The following FTO variants were observed in gnomAD, a reference collection of about 807,000 sequenced individuals.
FTO encodes the protein alpha-ketoglutarate-dependent dioxygenase FTO.
FTO carries 47 observed loss-of-function variants against 63.9 expected under a neutral mutation model. The ratio of observed to expected loss-of-function variants is 0.74; its 90% CI spans 0.58 to 0.94. FTO has a LOEUF of 0.94. Among genes scored for constraint, FTO ranks in the 40% least tolerant of loss-of-function variants. FTO has a pLI of 0.00. For synonymous variants in FTO, 207 were observed against 224.4 expected (o/e 0.92, Z 0.69); for missense variants, 562 against 618.1 (o/e 0.91, Z 0.96).
At chr16:53,770,046 C>T (rs2077298124) in intron 1 of FTO, among the ~76,000 whole-genome samples, 1 of 152,058 alleles carries the variant, frequency 6.6e-6, no homozygotes. Context: ...ACAGCTGCCA[C>T]TCATCTCAGC....
chr16:53,889,166 G>A (rs1261860301), intron 7 of FTO, among the ~76,000 whole-genome samples: 5 of 152,226 alleles, frequency 3.3e-5, no homozygotes, highest in Non-Finnish European at 5.9e-5. Context: ...CATAGGGCAT[G>A]TGCTGGACAT....
At chr16:54,010,871 A>T (rs1395126419) in intron 8 of FTO, among the ~76,000 whole-genome samples, 1 of 152,202 alleles carries the variant, frequency 6.6e-6, no homozygotes, top group Non-Finnish European at 1.5e-5. Context: ...TCAATCTTGC[A>T]TACCAACATC....
intron 5 of FTO, among the ~76,000 whole-genome samples, chr16:53,876,765 A>G (rs1261827473): frequency 2.6e-5 from 4 of 152,186 alleles, no homozygotes; most frequent in Non-Finnish European, 5.9e-5. Flanking sequence ...CGTCTTTACT[A>G]AAAATTCAAA....
At chr16:53,866,038 T>C (rs957890972) in intron 4 of FTO, among the ~76,000 whole-genome samples, 11 of 152,220 alleles carry the variant, frequency 7.2e-5, no homozygotes, top group African/African-American at 2.7e-4. Context: ...GCAGGTTTCC[T>C]TACACATTCT....
intron 2 of FTO, among the ~76,000 whole-genome samples, chr16:53,814,432 C>T (rs2151746149): frequency 6.6e-6 from 1 of 152,258 alleles, no homozygotes; most frequent in Middle Eastern, 3.4e-3. Flanking sequence ...TGTGAGCTCA[C>T]TGAAATCTTG....
intron 7 of FTO, among the ~76,000 whole-genome samples, chr16:53,914,613 A>C (rs946568067): frequency 6.6e-6 from 1 of 152,168 alleles, no homozygotes; most frequent in Non-Finnish European, 1.5e-5. Context: ...TAAACCCCAC[A>C]GCGTAAAATC....
chr16:53,940,336 A>T (rs1210533557), intron 8 of FTO, among the ~76,000 whole-genome samples: 1 of 152,134 alleles, frequency 6.6e-6, no homozygotes, highest in Non-Finnish European at 1.5e-5. Context: ...CTTGTTGGTG[A>T]TAAAGAGCTC....
At chr16:54,023,276 T>C (rs1427091955) in intron 8 of FTO, among the ~76,000 whole-genome samples, 1 of 152,218 alleles carries the variant, frequency 6.6e-6, no homozygotes, top group African/African-American at 2.4e-5. Flanking sequence ...TTCCTTAGAT[T>C]GGATGTCTTT....
intron 8 of FTO, among the ~76,000 whole-genome samples, chr16:54,108,680 G>A (rs1309557716): frequency 6.6e-6 from 1 of 152,166 alleles, no homozygotes; most frequent in African/African-American, 2.4e-5. Flanking sequence ...CGCTTGCTAT[G>A]TGCCAGGAAA....
At chr16:53,747,934 A>T (rs74807584) in intron 1 of FTO, among the ~76,000 whole-genome samples, 2 of 152,042 alleles carry the variant, frequency 1.3e-5, no homozygotes, top group African/African-American at 4.8e-5. Flanking sequence ...CCTTTCCCCA[A>T]AGTATATACT....
At chr16:53,869,241 G>T (rs1177180846) in intron 4 of FTO, among the ~76,000 whole-genome samples, 2 of 151,760 alleles carry the variant, frequency 1.3e-5, no homozygotes, top group African/African-American at 2.4e-5. Context: ...TGTATTGCTT[G>T]CCTCGTTTCT....
chr16:53,746,816 C>A (rs1260421117), intron 1 of FTO, among the ~76,000 whole-genome samples: 1 of 152,164 alleles, frequency 6.6e-6, no homozygotes, highest in Non-Finnish European at 1.5e-5. Context: ...CTCCTCCTGT[C>A]TAATTGAGGC....
intron 1 of FTO, chr16:53,711,449 T>G (rs564070241): frequency 5.0e-6 from 2 of 398,594 alleles, no homozygotes; most frequent in African/African-American, 4.1e-5. Flanking sequence ...TGGCTGTCCA[T>G]GGAAGGTAAG....
chr16:53,718,978 A>G (rs2075963109), intron 1 of FTO, among the ~76,000 whole-genome samples: 1 of 152,202 alleles, frequency 6.6e-6, no homozygotes, highest in African/African-American at 2.4e-5. Flanking sequence ...TACATGTTGA[A>G]CATAATTCAA....
chr16:53,788,686 G>C lies in FTO; in HGVS notation c.46-21454G>C, dbSNP rs111675203. ...CTCCTAGCTTTTTGGAAAATATTTA[G>C]TACTGGCATTTCTTCTTCACTGATT... On this transcript the variant is annotated intron_variant, in intron 1 of 8. Coordinates refer to ENST00000471389, the MANE Select transcript of FTO (RefSeq NM_001080432.3). Among the ~76,000 whole-genome samples the C allele has an allele frequency of 2.7e-5, 4 of 150,662 alleles. No homozygotes were observed. In the East Asian group the frequency reaches 7.8e-4, roughly 29 times the overall value.
chr16:53,716,362 A>G (rs868600534), intron 1 of FTO, among the ~76,000 whole-genome samples: 7 of 152,190 alleles, frequency 4.6e-5, no homozygotes, highest in African/African-American at 1.7e-4. Context: ...TTATGTATAA[A>G]TCAGTCTTAT....
intron 7 of FTO, chr16:53,923,255 A>G (rs2082051609): frequency 6.6e-6 from 1 of 152,212 alleles, no homozygotes; most frequent in Admixed American, 6.5e-5. Flanking sequence ...CTGGTTGGAA[A>G]GCTCTGCTTC....
chr16:53,807,087 C>T (rs1373230701), intron 1 of FTO, among the ~76,000 whole-genome samples: 2 of 152,196 alleles, frequency 1.3e-5, no homozygotes, highest in Non-Finnish European at 2.9e-5. Context: ...CCGATGTAAG[C>T]ATGACCAAAA....
rs1271928989 is a variant in FTO, at chr16:53,848,735, A to G, written c.895+4437A>G. On this transcript the variant is annotated intron_variant, in intron 4 of 8. Transcript: ENST00000471389. ...AAACCATGGGTTTGTTTTTTGTGGA[A>G]CAGATTATACAGTTCAAGGGACATC... Among the ~76,000 whole-genome samples, 3 of 152,156 alleles carry G rather than the reference A, an allele frequency of 2.0e-5. No homozygotes were observed. The East Asian group carries it at 5.8e-4, about 29-fold the overall frequency.
Sources: gnomAD v4.1 joint callset for allele counts (sites outside exome capture counted in the v4.1 genomes callset) on GRCh38, gnomAD v4.1.1 for gene constraint, MANE v1.5 for transcripts, NCBI Gene and HGNC (gene_info 2026-07-23, HGNC 2026-07-21) for gene names.